The following GLRA3 variants were observed in gnomAD, a reference collection of about 807,000 sequenced individuals.
GLRA3 encodes glycine receptor alpha 3, also known as glycine receptor subunit alpha-3.
In GLRA3, 44 loss-of-function variants were observed where a neutral mutation model predicts 60.4. The observed-to-expected ratio is 0.73, with a 90% CI of 0.57 to 0.94. The LOEUF (loss-of-function observed/expected upper bound fraction) is 0.94, where lower values mean the gene tolerates loss of function less well. Among genes scored for constraint, GLRA3 ranks in the 40% least tolerant of loss-of-function variants. The pLI, the probability that GLRA3 is intolerant of heterozygous loss-of-function variation, is 0.00. For synonymous variants in GLRA3, 223 were observed against 192.9 expected (o/e 1.16, Z -1.29); for missense variants, 508 against 564.6 (o/e 0.90, Z 1.02).
chr4:174,717,982 T>C (rs1351390757), intron 4 of GLRA3, among the ~76,000 whole-genome samples: 13 of 152,188 alleles, frequency 8.5e-5, no homozygotes. Flanking sequence ...ATGCATGTGA[T>C]GTCAAATTCA....
At chr4:174,668,522 A>G (rs1187342183) in intron 7 of GLRA3, among the ~76,000 whole-genome samples, 2 of 152,206 alleles carry the variant, frequency 1.3e-5, no homozygotes, top group Non-Finnish European at 2.9e-5. Context: ...CCTGTGACCA[A>G]TAAATTCCTG....
At chr4:174,718,096 C>A (rs1232060500) in intron 4 of GLRA3, among the ~76,000 whole-genome samples, 1 of 152,176 alleles carries the variant, frequency 6.6e-6, no homozygotes, top group African/African-American at 2.4e-5. Flanking sequence ...GTTTGTAGGA[C>A]TTCGGTCATA....
intron 1 of GLRA3, among the ~76,000 whole-genome samples, chr4:174,803,229 T>C (rs2111347104): frequency 6.6e-6 from 1 of 152,226 alleles, no homozygotes; most frequent in African/African-American, 2.4e-5. Context: ...TTCCTAAAAA[T>C]TGTCTCTTCT....
At chr4:174,677,823 C>T (rs957070518) in intron 6 of GLRA3, among the ~76,000 whole-genome samples, 9 of 152,104 alleles carry the variant, frequency 5.9e-5, no homozygotes, top group African/African-American at 2.2e-4. Context: ...TTATTACTTC[C>T]GACTTGAAAA....
At chr4:174,726,983 C>T (rs1463777919) in intron 4 of GLRA3, among the ~76,000 whole-genome samples, 1 of 152,078 alleles carries the variant, frequency 6.6e-6, no homozygotes, top group Non-Finnish European at 1.5e-5. Flanking sequence ...CTGAAATCTT[C>T]CTTTGTGCCA....
At chr4:174,664,369 A>G (rs2110907788) in intron 7 of GLRA3, among the ~76,000 whole-genome samples, 1 of 152,176 alleles carries the variant, frequency 6.6e-6, no homozygotes, top group Admixed American at 6.5e-5. Flanking sequence ...GAATTTGACT[A>G]AAAAGGAGTC....
intron 3 of GLRA3, among the ~76,000 whole-genome samples, chr4:174,752,939 G>A (rs1483601634): frequency 6.6e-6 from 1 of 152,058 alleles, no homozygotes; most frequent in Non-Finnish European, 1.5e-5. Flanking sequence ...TACTACCTTT[G>A]TGACAGTAAA....
intron 3 of GLRA3, among the ~76,000 whole-genome samples, chr4:174,740,263 A>G (rs531845139): frequency 6.6e-6 from 1 of 152,318 alleles, no homozygotes; most frequent in South Asian, 2.1e-4. Flanking sequence ...AAGATGTCCT[A>G]TGGGTTGTAA....
At chr4:174,809,675 A>G (rs1020747866) in intron 1 of GLRA3, among the ~76,000 whole-genome samples, 6 of 152,084 alleles carry the variant, frequency 3.9e-5, no homozygotes, top group Admixed American at 1.3e-4. Flanking sequence ...AGAGGTTGCA[A>G]TGAACCAAGA....
Position 174,641,674 on chromosome 4 carries a change from G to A in GLRA3, c.*2112C>T, listed in dbSNP as rs959561665. 1 of 151,974 alleles carries A rather than the reference G, an allele frequency of 6.6e-6. No individual in the cohort carries two copies. The highest frequency in any genetic ancestry group is 2.4e-5 in the African/African-American group (1 of 41,410). The allele number at this position is 151,974 out of a possible 1,614,324, so 9.4% of individuals were successfully genotyped here. ...ACACATTTATAATATTCTCAAATAT[G>A]GAAAGAAGTGATGTCTGTGAATTTC... On this transcript the variant is annotated 3_prime_UTR_variant, in exon 10 of 10. Coordinates refer to ENST00000274093, the MANE Select transcript of GLRA3 (RefSeq NM_006529.4).
At position 174,828,908 on chromosome 4, in the gene GLRA3, T is replaced by G; in HGVS notation, c.-97A>C. The G allele has an allele frequency of 1.2e-6, 1 of 866,656 alleles. No individual in the cohort carries two copies. Among genetic ancestry groups the G allele is most frequent in the Non-Finnish European group, 2.0e-6 (1 of 510,002 alleles). The allele number at this position is 866,656 out of a possible 1,614,324, so 53.7% of individuals were successfully genotyped here. A position where few individuals can be genotyped will look rare whatever the true frequency, so the allele number is the denominator to read the frequency against. On this transcript the variant is annotated 5_prime_UTR_variant, in exon 1 of 10. Transcript: ENST00000274093. ...AAATGTACAATCTAACCCCGCATGG[T>G]GTTGGTGTAGACTGATGCTTGGGAA...
intron 7 of GLRA3, among the ~76,000 whole-genome samples, chr4:174,666,457 T>G (rs907538137): frequency 6.6e-6 from 1 of 151,928 alleles, no homozygotes; most frequent in Non-Finnish European, 1.5e-5. Context: ...TATACTAAAG[T>G]TGTTTATGAG....
chr4:174,702,048 A>G (rs537443657), intron 5 of GLRA3, among the ~76,000 whole-genome samples: 75 of 152,358 alleles, frequency 4.9e-4, no homozygotes, highest in African/African-American at 1.8e-3. Context: ...TCCAATTAGG[A>G]AAGTTCTACT....
chr4:174,713,207 A>C (rs1210662855), intron 5 of GLRA3, among the ~76,000 whole-genome samples: 2 of 152,140 alleles, frequency 1.3e-5, no homozygotes, highest in Admixed American at 1.3e-4. Flanking sequence ...CCCCTTGAAC[A>C]ATCCACTCAT....
In GLRA3 at chr4:174,735,610, G is replaced by T. The variant is rs1006748960; in HGVS notation, c.268-6912C>A. On this transcript the variant is annotated intron_variant, in intron 3 of 9. Coordinates refer to ENST00000274093, the MANE Select transcript of GLRA3 (RefSeq NM_006529.4). ...GAGCATGGCTCTGTCTCCCAGGCTG[G>T]AATGCAGTGGTGCCAACTCTGCTCA... 2.0e-5 allele frequency among the ~76,000 whole-genome samples: 3 copies of T among 152,174 alleles called. No individual in the cohort carries two copies. The South Asian group carries it at 6.2e-4, about 32-fold the overall frequency.
intron 5 of GLRA3, among the ~76,000 whole-genome samples, chr4:174,693,427 T>C (rs1486846570): frequency 6.6e-6 from 1 of 152,188 alleles, no homozygotes; most frequent in Non-Finnish European, 1.5e-5. Flanking sequence ...CTCTTCCCCA[T>C]TGATTTTTTT....
intron 4 of GLRA3, among the ~76,000 whole-genome samples, chr4:174,725,451 CTACTT>C (rs1168114075): frequency 6.6e-6 from 1 of 152,150 alleles, no homozygotes; most frequent in Non-Finnish European, 1.5e-5. Flanking sequence ...TTTATCATGG[CTACTT>C]TAAAGTCTTT....
At chr4:174,782,604 A>G (rs1472531402) in intron 2 of GLRA3, among the ~76,000 whole-genome samples, 2 of 152,150 alleles carry the variant, frequency 1.3e-5, no homozygotes, top group Admixed American at 1.3e-4. Context: ...TAAGCTGATA[A>G]GCAACTTCAG....
chr4:174,756,370 A>C (rs906071898), intron 3 of GLRA3, among the ~76,000 whole-genome samples: 4 of 152,206 alleles, frequency 2.6e-5, no homozygotes, highest in Non-Finnish European at 4.4e-5. Context: ...TTAGAAATTT[A>C]AATCTAGCAA....
Sources: allele counts gnomAD v4.1 joint callset (sites outside exome capture counted in the v4.1 genomes callset), GRCh38; gene constraint gnomAD v4.1.1; transcripts MANE v1.5; gene names NCBI Gene and HGNC (gene_info 2026-07-23, HGNC 2026-07-21).